NXPH1: variants seen among roughly 807,000 people sequenced by gnomAD.
NXPH1 encodes neurexophilin-1.
In NXPH1, 5 loss-of-function variants were observed where a neutral mutation model predicts 23.7. The observed-to-expected ratio is 0.21, with a 90% CI of 0.11 to 0.44. NXPH1 has a LOEUF of 0.44. Ranked by LOEUF, NXPH1 falls within the 20% of genes least tolerant of loss-of-function variation. NXPH1 has a pLI of 0.99. For synonymous variants in NXPH1, 144 were observed against 122.2 expected (o/e 1.18, Z -1.18); for missense variants, 324 against 321.6 (o/e 1.01, Z -0.06).
intron 2 of NXPH1, among the ~76,000 whole-genome samples, chr7:8,622,506 C>A (rs1038859180): frequency 6.6e-6 from 1 of 152,040 alleles, no homozygotes; most frequent in Admixed American, 6.6e-5. Context: ...CCTTAAGTGG[C>A]CATAGAGTAA....
chr7:8,716,581 G>T (rs945496569), intron 2 of NXPH1, among the ~76,000 whole-genome samples: 1 of 152,108 alleles, frequency 6.6e-6, no homozygotes, highest in Non-Finnish European at 1.5e-5. Context: ...TAAAAGATAA[G>T]AAAAATTTAA....
At chr7:8,469,939 A>G (rs1029238219) in intron 2 of NXPH1, among the ~76,000 whole-genome samples, 1 of 152,146 alleles carries the variant, frequency 6.6e-6, no homozygotes, top group Admixed American at 6.5e-5. Context: ...GAAGAGCTGC[A>G]ATTCTTTCCT....
chr7:8,477,148 C>T (rs562080775), intron 2 of NXPH1, among the ~76,000 whole-genome samples: 11 of 152,020 alleles, frequency 7.2e-5, no homozygotes, highest in Non-Finnish European at 1.6e-4. Flanking sequence ...AAAATGGAGA[C>T]AACCATATGG....
chr7:8,680,782 G>A (rs1583227850), intron 2 of NXPH1, among the ~76,000 whole-genome samples: 1 of 152,182 alleles, frequency 6.6e-6, no homozygotes, highest in South Asian at 2.1e-4. Flanking sequence ...GTGCTAATGA[G>A]GTAGCTCCCA....
chr7:8,716,646 C>A (rs1300778525), intron 2 of NXPH1, among the ~76,000 whole-genome samples: 1 of 151,994 alleles, frequency 6.6e-6, no homozygotes, highest in African/African-American at 2.4e-5. Context: ...ATTTTGAATT[C>A]TTTGGATTTT....
chr7:8,492,248 C>T (rs1056785782), intron 2 of NXPH1, among the ~76,000 whole-genome samples: 15 of 151,974 alleles, frequency 9.9e-5, no homozygotes, highest in Admixed American at 2.0e-4. Flanking sequence ...TACGTTTTGA[C>T]GTGCTAATCT....
At chr7:8,544,382 A>G (rs1029846682) in intron 2 of NXPH1, among the ~76,000 whole-genome samples, 3 of 151,588 alleles carry the variant, frequency 2.0e-5, no homozygotes, top group Admixed American at 6.6e-5. Flanking sequence ...GTCTTTAGAC[A>G]TTGAAGAATA....
At chr7:8,501,839 C>G (rs934434976) in intron 2 of NXPH1, among the ~76,000 whole-genome samples, 1 of 152,018 alleles carries the variant, frequency 6.6e-6, no homozygotes, top group Non-Finnish European at 1.5e-5. Flanking sequence ...CAGTCTTACC[C>G]AAGAGTCGTG....
chr7:8,726,953 C>A (rs1399705493), intron 2 of NXPH1, among the ~76,000 whole-genome samples: 2 of 149,478 alleles, frequency 1.3e-5, no homozygotes, highest in African/African-American at 4.9e-5. Context: ...GTCCCACCAA[C>A]AGTGTAAAAG....
chr7:8,447,728 G>A (rs1156527443), intron 2 of NXPH1, among the ~76,000 whole-genome samples: 2 of 152,214 alleles, frequency 1.3e-5, no homozygotes, highest in African/African-American at 4.8e-5. Flanking sequence ...ATTCTTGACT[G>A]AAATTCTTCA....
At chr7:8,707,009 A>G (rs1238864582) in intron 2 of NXPH1, among the ~76,000 whole-genome samples, 2 of 152,228 alleles carry the variant, frequency 1.3e-5, no homozygotes, top group Non-Finnish European at 2.9e-5. Flanking sequence ...CAATATATCC[A>G]TGTAACAAAA....
chr7:8,527,819 C>T lies in NXPH1; in HGVS notation c.54+92052C>T, dbSNP rs115440101. ...ATTGTAATTCAACATGGCAAAAGGA[C>T]ACCCACAACTTGATACACTTTTTAG... On this transcript the variant is annotated intron_variant, in intron 2 of 2. Transcript: ENST00000405863. 5.9e-3 allele frequency among the ~76,000 whole-genome samples: 892 copies of T among 152,270 alleles called. 7 individuals are homozygous for T. Among genetic ancestry groups the T allele is most frequent in the African/African-American group, 0.02 (819 of 41,556 alleles).
chr7:8,607,640 T>C (rs542354406), intron 2 of NXPH1, among the ~76,000 whole-genome samples: 2 of 152,314 alleles, frequency 1.3e-5, no homozygotes, highest in East Asian at 3.9e-4. Flanking sequence ...GTATCCCATA[T>C]ACTCAGCTAT....
chr7:8,546,371 G>T (rs760180819), intron 2 of NXPH1, among the ~76,000 whole-genome samples: 4 of 151,348 alleles, frequency 2.6e-5, no homozygotes, highest in Non-Finnish European at 5.9e-5. Flanking sequence ...TTTACTAGTG[G>T]TTTTTGGGCC....
intron 2 of NXPH1, among the ~76,000 whole-genome samples, chr7:8,492,839 A>G (rs944698863): frequency 6.6e-6 from 1 of 152,048 alleles, no homozygotes; most frequent in African/African-American, 2.4e-5. Flanking sequence ...CTTAGCATTT[A>G]CTAGTTTATC....
chr7:8,451,743 G>T (rs1816509979), intron 2 of NXPH1, among the ~76,000 whole-genome samples: 1 of 152,178 alleles, frequency 6.6e-6, no homozygotes. Flanking sequence ...GAAGTATCCT[G>T]GTTTGGATGA....
intron 2 of NXPH1, among the ~76,000 whole-genome samples, chr7:8,747,813 T>C (rs1490982699): frequency 3.3e-5 from 5 of 152,218 alleles, no homozygotes; most frequent in Admixed American, 2.0e-4. Flanking sequence ...ATGTACTATT[T>C]TTACTGATTA....
chr7:8,529,338 G>A (rs1242706152), intron 2 of NXPH1, among the ~76,000 whole-genome samples: 1 of 152,218 alleles, frequency 6.6e-6, no homozygotes, highest in Non-Finnish European at 1.5e-5. Context: ...CCAAAATTCT[G>A]CCTGCCACAG....
intron 2 of NXPH1, among the ~76,000 whole-genome samples, chr7:8,498,822 AC>A (rs1483404791): frequency 6.6e-6 from 1 of 152,048 alleles, no homozygotes; most frequent in Non-Finnish European, 1.5e-5. Context: ...TAAGATTTAG[AC>A]CTAGGAAAGG....
Sources: allele counts gnomAD v4.1 joint callset (sites outside exome capture counted in the v4.1 genomes callset), GRCh38; gene constraint gnomAD v4.1.1; transcripts MANE v1.5; gene names NCBI Gene and HGNC (gene_info 2026-07-23, HGNC 2026-07-21).